The following ELAVL4 variants were observed in gnomAD, a reference collection of about 807,000 sequenced individuals.
ELAVL4 encodes ELAV-like protein 4.
In ELAVL4, 1 loss-of-function variant was observed where a neutral mutation model predicts 35.6. That is an observed-to-expected ratio of 0.03 (90% CI 0.01 to 0.13). ELAVL4 has a LOEUF of 0.13. Ranked by LOEUF, ELAVL4 falls within the 10% of genes least tolerant of loss-of-function variation. The pLI is 1.00. For missense variants in ELAVL4, 267 were observed against 464.9 expected (o/e 0.57, Z 3.91); for synonymous variants, 156 against 171.0 (o/e 0.91, Z 0.69).
intron 1 of ELAVL4, among the ~76,000 whole-genome samples, chr1:50,143,255 T>C (rs189760718): frequency 2.2e-4 from 33 of 152,306 alleles, no homozygotes; most frequent in African/African-American, 7.9e-4. Flanking sequence ...ATTACATGTA[T>C]GTTATAGTAA....
upstream of ELAVL4, among the ~76,000 whole-genome samples, chr1:50,101,324 T>G (rs1321882250): frequency 1.3e-5 from 2 of 152,166 alleles, no homozygotes; most frequent in Non-Finnish European, 2.9e-5. Flanking sequence ...CCCAATCAGG[T>G]ACTCATCCTG....
intron 2 of ELAVL4, among the ~76,000 whole-genome samples, chr1:50,155,766 C>A (rs1675619899): frequency 6.6e-6 from 1 of 152,160 alleles, no homozygotes; most frequent in South Asian, 2.1e-4. Flanking sequence ...GCAGTGAGTT[C>A]TGTCTGGTTT....
chr1:50,133,605 A>AAGAAAGAAAGAC (rs1671283521), intron 1 of ELAVL4, among the ~76,000 whole-genome samples: 1 of 121,752 alleles, frequency 8.2e-6, no homozygotes, highest in Non-Finnish European at 1.7e-5. Flanking sequence ...AAAGAAAAGA[A>AAGAAAGAAAGAC]AGAAAGAAAG....
At chr1:50,178,752 T>C (rs571226730) in intron 3 of ELAVL4, among the ~76,000 whole-genome samples, 1 of 152,354 alleles carries the variant, frequency 6.6e-6, no homozygotes, top group East Asian at 1.9e-4. Context: ...GTCACCTGAC[T>C]CTTTGATGAG....
At chr1:50,115,620 A>T (rs1451466534) in intron 1 of ELAVL4, among the ~76,000 whole-genome samples, 1 of 152,114 alleles carries the variant, frequency 6.6e-6, no homozygotes, top group Non-Finnish European at 1.5e-5. Flanking sequence ...AAGCAGAGAA[A>T]TGACCCAGCG....
intron 1 of ELAVL4, among the ~76,000 whole-genome samples, chr1:50,097,276 C>G (rs1324842885): frequency 6.6e-6 from 1 of 152,118 alleles, no homozygotes; most frequent in Non-Finnish European, 1.5e-5. Flanking sequence ...GAGGAACATG[C>G]TACTACCCCG....
At chr1:50,135,383 G>T (rs1219115396) in intron 1 of ELAVL4, among the ~76,000 whole-genome samples, 1 of 152,154 alleles carries the variant, frequency 6.6e-6, no homozygotes, top group Non-Finnish European at 1.5e-5. Flanking sequence ...ATTAGTCTGA[G>T]TGTATACGAT....
chr1:50,131,346 A>G (rs1343648461), intron 1 of ELAVL4, among the ~76,000 whole-genome samples: 2 of 152,150 alleles, frequency 1.3e-5, no homozygotes, highest in East Asian at 1.9e-4. Flanking sequence ...CTTTTGCCCA[A>G]TTAGTGAGTG....
At chr1:50,169,854 T>G (rs1225253475) in intron 2 of ELAVL4, among the ~76,000 whole-genome samples, 1 of 152,188 alleles carries the variant, frequency 6.6e-6, no homozygotes, top group East Asian at 1.9e-4. Context: ...AAAATACCTG[T>G]TATATGTATT....
intron 1 of ELAVL4, among the ~76,000 whole-genome samples, chr1:50,060,988 T>C (rs1663935320): frequency 6.6e-6 from 1 of 152,194 alleles, no homozygotes; most frequent in South Asian, 2.1e-4. Context: ...CTCTATACAT[T>C]TAAAAAATCA....
At chr1:50,165,822 A>ATG (rs1178764199) in intron 2 of ELAVL4, among the ~76,000 whole-genome samples, 1 of 151,014 alleles carries the variant, frequency 6.6e-6, no homozygotes, top group East Asian at 1.9e-4. Flanking sequence ...GTATATATAT[A>ATG]TGTGTGTGTG....
intron 1 of ELAVL4, among the ~76,000 whole-genome samples, chr1:50,136,654 A>G (rs1671934902): frequency 6.6e-6 from 1 of 152,190 alleles, no homozygotes; most frequent in Admixed American, 6.5e-5. Context: ...CATGTTTGCA[A>G]TCAGTACATT....
intron 1 of ELAVL4, among the ~76,000 whole-genome samples, chr1:50,095,310 G>A (rs1319543882): frequency 1.3e-5 from 2 of 152,014 alleles, no homozygotes; most frequent in Non-Finnish European, 2.9e-5. Flanking sequence ...GTGGGTGTGG[G>A]GTAGGCATTA....
chr1:50,167,842 C>T (rs2148791900), intron 2 of ELAVL4, among the ~76,000 whole-genome samples: 1 of 152,320 alleles, frequency 6.6e-6, no homozygotes, highest in South Asian at 2.1e-4. Context: ...TTTTTGACCA[C>T]TCAGAGAGGT....
chr1:50,199,156 G>A (rs1644248949), intron 6 of ELAVL4, among the ~76,000 whole-genome samples: 1 of 152,218 alleles, frequency 6.6e-6, no homozygotes, highest in Non-Finnish European at 1.5e-5. Context: ...TTGACTTAGT[G>A]AATAATAGCA....
At chr1:50,121,288 G>A (rs1015571638) in intron 1 of ELAVL4, among the ~76,000 whole-genome samples, 1 of 151,928 alleles carries the variant, frequency 6.6e-6, no homozygotes, top group Non-Finnish European at 1.5e-5. Flanking sequence ...CTTAATGGGA[G>A]GATCCATTGA....
At chr1:50,187,138 G>C (rs1409984354) in intron 3 of ELAVL4, among the ~76,000 whole-genome samples, 1 of 152,126 alleles carries the variant, frequency 6.6e-6, no homozygotes, top group African/African-American at 2.4e-5. Context: ...TGGGGAGTTT[G>C]TATGCACTCA....
intron 1 of ELAVL4, among the ~76,000 whole-genome samples, chr1:50,134,784 T>A (rs1301214920): frequency 6.6e-6 from 1 of 152,096 alleles, no homozygotes; most frequent in African/African-American, 2.4e-5. Flanking sequence ...AAGCTGTCCC[T>A]CAGCTATGGA....
chr1:50,108,532 C>T (rs1351037838), upstream of ELAVL4, among the ~76,000 whole-genome samples: 2 of 152,066 alleles, frequency 1.3e-5, no homozygotes, highest in Non-Finnish European at 2.9e-5. Flanking sequence ...AAATATTCTA[C>T]GGTGGAAAAG....
Sources: allele counts gnomAD v4.1 joint callset (sites outside exome capture counted in the v4.1 genomes callset), GRCh38; gene constraint gnomAD v4.1.1; transcripts MANE v1.5; gene names NCBI Gene and HGNC (gene_info 2026-07-23, HGNC 2026-07-21).